PPFIA1: variants seen among roughly 807,000 people sequenced by gnomAD.
PPFIA1 encodes liprin-alpha-1.
Under a neutral mutation model 149.9 loss-of-function variants are expected in PPFIA1, and 25 were observed. The observed-to-expected ratio is 0.17, with a 90% confidence interval of 0.12 to 0.23. The LOEUF is 0.23. Among genes scored for constraint, PPFIA1 ranks in the 10% least tolerant of loss-of-function variants. PPFIA1 has a pLI of 1.00. For synonymous variants in PPFIA1, 549 were observed against 552.8 expected (o/e 0.99, Z 0.10); for missense variants, 1,362 against 1,506.5 (o/e 0.90, Z 1.59).
chr11:70,326,586 C>A lies in PPFIA1; in HGVS notation c.709-11C>A. 6.4e-7 allele frequency: 1 copy of A among 1,562,620 alleles called. No individual in the cohort carries two copies. The highest frequency in any genetic ancestry group is 8.7e-7 in the Non-Finnish European group (1 of 1,149,316). Reference sequence around the variant, plus strand: ...CAAGGGTATTTAAGGATTTTTTTTTCCCCCTATCAGAGATCTTCTGATGGT... The same window carrying A: ...CAAGGGTATTTAAGGATTTTTTTTTACCCCTATCAGAGATCTTCTGATGGT... On this transcript the variant is annotated splice_polypyrimidine_tract_variant and intron_variant, in intron 6 of 27. Transcript: ENST00000253925.
chr11:70,383,112 CTAAGA>C lies in PPFIA1; in HGVS notation c.*125_*129del. 1 of 380,410 alleles carries C rather than the reference CTAAGA, an allele frequency of 2.6e-6. No individual in the cohort carries two copies. Among genetic ancestry groups the C allele is most frequent in the South Asian group, 2.0e-5 (1 of 51,018 alleles). 23.6% of individuals were successfully genotyped at this position (380,410 alleles called of 1,614,324 possible). A position where few individuals can be genotyped will look rare whatever the true frequency, so the allele number is the denominator to read the frequency against. On this transcript the variant is annotated 3_prime_UTR_variant, in exon 28 of 28. Transcript: ENST00000253925. ...CTTGTTAATACTTGTTATATGGACC[CTAAGA>C]TATTTTATTACAGAGTTTTTAATTA...
intron 2 of PPFIA1, chr11:70,279,197 G>T: frequency 2.4e-6 from 1 of 423,854 alleles, no homozygotes; most frequent in Non-Finnish European, 4.4e-6. Flanking sequence ...TCAGGTGTCA[G>T]TGAATACGGC....
chr11:70,374,609 G>A (rs1041149204), intron 23 of PPFIA1: 13 of 290,568 alleles, frequency 4.5e-5, no homozygotes, highest in Admixed American at 1.1e-4. Flanking sequence ...TCAAGTTCTT[G>A]CAGTCCTCTG....
At chr11:70,287,510 T>A (rs2051225045) in intron 2 of PPFIA1, among the ~76,000 whole-genome samples, 1 of 151,936 alleles carries the variant, frequency 6.6e-6, no homozygotes, top group African/African-American at 2.4e-5. Flanking sequence ...TTTTTTTTTT[T>A]AGTAGATACA....
chr11:70,275,869 C>T (rs532390721), intron 2 of PPFIA1, among the ~76,000 whole-genome samples: 1 of 152,174 alleles, frequency 6.6e-6, no homozygotes, highest in African/African-American at 2.4e-5. Context: ...AGACTAGTCT[C>T]CAACTCCTGG....
intron 2 of PPFIA1, among the ~76,000 whole-genome samples, chr11:70,278,329 C>T (rs1300454875): frequency 6.6e-6 from 1 of 152,134 alleles, no homozygotes; most frequent in Non-Finnish European, 1.5e-5. Context: ...AGCCACTGTG[C>T]CCAATTTGCC....
intron 26 of PPFIA1, chr11:70,381,345 TCCCA>T (rs2057703743): frequency 6.6e-6 from 1 of 152,170 alleles, no homozygotes; most frequent in Admixed American, 6.5e-5. Context: ...AAACTTAAAA[TCCCA>T]GTTGTTAATG....
intron 2 of PPFIA1, among the ~76,000 whole-genome samples, chr11:70,275,903 G>A (rs67244582): frequency 0.22 from 33,113 of 152,072 alleles, 5,477 homozygotes; most frequent in African/African-American, 0.46. Flanking sequence ...TCTCACCTTG[G>A]TCTCCCAAAG....
chr11:70,306,855 CA>C (rs1379103098), intron 2 of PPFIA1, among the ~76,000 whole-genome samples: 1 of 152,084 alleles, frequency 6.6e-6, no homozygotes, highest in Non-Finnish European at 1.5e-5. Context: ...TATAATCTCA[CA>C]AAAAAACCCC....
At chr11:70,302,268 G>A (rs1034618096) in intron 2 of PPFIA1, among the ~76,000 whole-genome samples, 2 of 152,202 alleles carry the variant, frequency 1.3e-5, no homozygotes, top group African/African-American at 4.8e-5. Context: ...CAGCAGCTTC[G>A]TAGGGTGGGG....
At position 70,272,157 on chromosome 11, in the gene PPFIA1, G is replaced by C. The variant is rs766761673; in HGVS notation, c.1-16G>C. The stretch of plus-strand genomic sequence containing the variant: ...TTCTGAGCTTAATTACTGTAGCCTG[G>C]GTCTTTCATTTCAAGATGATGTGCG... On this transcript the variant is annotated splice_polypyrimidine_tract_variant and intron_variant, in intron 1 of 27. Transcript: ENST00000253925. The C allele has an allele frequency of 6.2e-7, 1 of 1,611,506 alleles. No individual in the cohort carries two copies. Among genetic ancestry groups the C allele is most frequent in the South Asian group, 1.1e-5 (1 of 90,940 alleles).
intron 26 of PPFIA1, chr11:70,378,464 CA>C: frequency 8.6e-7 from 1 of 1,158,088 alleles, no homozygotes; most frequent in Non-Finnish European, 1.1e-6. Flanking sequence ...TCTGTGTTCT[CA>C]GAGAGAGACT....
chr11:70,297,017 C>T (rs1171702245), intron 2 of PPFIA1, among the ~76,000 whole-genome samples: 2 of 152,166 alleles, frequency 1.3e-5, no homozygotes, highest in African/African-American at 2.4e-5. Flanking sequence ...GTTAGTCATT[C>T]TTCTGATAGT....
Position 70,335,408 on chromosome 11 carries a change from G to A in PPFIA1, c.1297-155G>A, listed in dbSNP as rs147642093. On this transcript the variant is annotated intron_variant, in intron 10 of 27. Coordinates refer to ENST00000253925, the MANE Select transcript of PPFIA1 (RefSeq NM_003626.5). ...CTCCCTGTGTCCATGAGTTGGTTCT[G>A]GTCACCATGCAAAAGTCCACTCAAG... Among the ~76,000 whole-genome samples the A allele has an allele frequency of 8.4e-4, 128 of 152,220 alleles. 1 individual carries two copies. Among genetic ancestry groups the A allele is most frequent in the African/African-American group, 2.6e-3 (109 of 41,522 alleles).
intron 2 of PPFIA1, among the ~76,000 whole-genome samples, chr11:70,317,737 T>G (rs2053719176): frequency 6.6e-6 from 1 of 152,000 alleles, no homozygotes; most frequent in African/African-American, 2.4e-5. Flanking sequence ...GTGGGAGCCT[T>G]CCTGTTTCTG....
chr11:70,343,760 T>C lies in PPFIA1; in HGVS notation c.1799T>C (p.Val600Ala), dbSNP rs2055499999. 6.2e-7 allele frequency: 1 copy of C among 1,614,228 alleles called. No individual in the cohort carries two copies. Among genetic ancestry groups the C allele is most frequent in the Non-Finnish European group, 8.5e-7 (1 of 1,180,034 alleles). ...CAAGCATTCGAGAGTGATGCTGACG[T>C]GTCTGATGGTGAAGATGACAGGGAC... is the stretch of plus-strand genomic sequence containing the variant. The part of the protein sequence containing the change: ...VAQAFESDAD[V>A]SDGEDDRDTL... The change falls in exon 15 of 28, where the codon GTG becomes GCG. Residue 600 changes from valine to alanine, a missense_variant. By Grantham distance (64) the Val-to-Ala change is moderately conservative. Coordinates refer to ENST00000253925, the MANE Select transcript of PPFIA1 (RefSeq NM_003626.5).
At chr11:70,273,983 CA>C (rs1457174733) in intron 2 of PPFIA1, among the ~76,000 whole-genome samples, 1 of 152,214 alleles carries the variant, frequency 6.6e-6, no homozygotes, top group Admixed American at 6.5e-5. Context: ...GGTTGTCACA[CA>C]CACTGGTGAC....
chr11:70,279,586 T>G (rs1445038695), intron 2 of PPFIA1, among the ~76,000 whole-genome samples: 1 of 152,022 alleles, frequency 6.6e-6, no homozygotes, highest in African/African-American at 2.4e-5. Flanking sequence ...CATTTTTTTT[T>G]TTTTTGAGAT....
Position 70,354,387 on chromosome 11 carries a change from G to A in PPFIA1, c.2250G>A (p.Arg750=), listed in dbSNP as rs376758739. ...CGCCTTCCTCCCCGAGAGCCCTTCG[G>A]TTAGACCGGCTGCACAAAGGGGCGC... ...TSPPSSPRAL[R]LDRLHKGALH... is the part of the protein sequence containing the mutation. Residue 750 remains arginine (R), a synonymous_variant, in exon 17 of 28, where the codon CGG becomes CGA. Transcript: ENST00000253925. 8 of 1,613,920 alleles carry A rather than the reference G, an allele frequency of 5.0e-6. No individual in the cohort carries two copies. The highest frequency in any genetic ancestry group is 6.8e-6 in the Non-Finnish European group (8 of 1,180,012).
Sources: allele counts gnomAD v4.1 joint callset (sites outside exome capture counted in the v4.1 genomes callset), GRCh38; gene constraint gnomAD v4.1.1; transcripts MANE v1.5; gene names NCBI Gene and HGNC (gene_info 2026-07-23, HGNC 2026-07-21).